EYA3: variants seen among roughly 807,000 people sequenced by gnomAD.
The protein encoded by EYA3 is EYA transcriptional coactivator and phosphatase 3.
A neutral mutation model predicts 80.0 loss-of-function variants in EYA3; 39 were observed. That is an observed-to-expected ratio of 0.49 (90% CI 0.38 to 0.64). EYA3 has a LOEUF of 0.64. EYA3 is among the 30% of genes least tolerant of loss of function. EYA3 has a pLI of 0.00. For missense variants in EYA3, 523 were observed against 676.1 expected (o/e 0.77, Z 2.51); for synonymous variants, 206 against 232.8 (o/e 0.88, Z 1.05).
chr1:28,084,668 G>C (rs1200947407), intron 1 of EYA3, among the ~76,000 whole-genome samples: 4 of 126,526 alleles, frequency 3.2e-5, no homozygotes. Context: ...GAGTGCAGTA[G>C]CACGATCTCA....
At chr1:28,078,472 G>A (rs1018970254) in intron 1 of EYA3, among the ~76,000 whole-genome samples, 5 of 152,118 alleles carry the variant, frequency 3.3e-5, no homozygotes, top group Non-Finnish European at 7.4e-5. Context: ...ACTATTAATA[G>A]CAAACATTTA....
intron 12 of EYA3, chr1:27,998,493 G>C (rs1214969475): frequency 5.7e-6 from 1 of 176,098 alleles, no homozygotes; most frequent in African/African-American, 2.4e-5. Context: ...ATGGAGTTTA[G>C]ACAAAAGTAC....
intron 16 of EYA3, among the ~76,000 whole-genome samples, chr1:27,983,377 C>G (rs1271238486): frequency 6.6e-6 from 1 of 152,196 alleles, no homozygotes; most frequent in Non-Finnish European, 1.5e-5. Flanking sequence ...TTCTCCAAAG[C>G]AGGTTATATC....
At chr1:27,990,048 C>T in intron 14 of EYA3, 1 of 203,944 alleles carries the variant, frequency 4.9e-6, no homozygotes, top group Non-Finnish European at 1.0e-5. Context: ...GTCAAAAGGG[C>T]AGGACCAACA....
chr1:28,073,127 A>ATATT (rs1553157671), intron 1 of EYA3, among the ~76,000 whole-genome samples: 158 of 15,002 alleles, frequency 0.011, 3 homozygotes, highest in Non-Finnish European at 0.015. Flanking sequence ...ATATATATAT[A>ATATT]TTTTTTTTTT....
chr1:28,059,715 A>G (rs1274173580), intron 1 of EYA3, among the ~76,000 whole-genome samples: 2 of 113,616 alleles, frequency 1.8e-5, no homozygotes, highest in African/African-American at 6.5e-5. Context: ...CATTTGTTGG[A>G]TTTTTTTTTT....
chr1:28,059,955 G>A (rs1644564572), intron 1 of EYA3, among the ~76,000 whole-genome samples: 1 of 152,108 alleles, frequency 6.6e-6, no homozygotes, highest in Admixed American at 6.6e-5. Flanking sequence ...CTGACGTCAG[G>A]TGATCTGCCT....
chr1:28,011,554 T>G (rs1325758583), intron 9 of EYA3, among the ~76,000 whole-genome samples: 2 of 152,198 alleles, frequency 1.3e-5, no homozygotes, highest in Non-Finnish European at 2.9e-5. Flanking sequence ...AATGTTTCCA[T>G]ACATTGCCAA....
intron 11 of EYA3, among the ~76,000 whole-genome samples, chr1:28,000,784 C>T (rs1442183717): frequency 3.3e-5 from 5 of 152,080 alleles, no homozygotes; most frequent in Non-Finnish European, 7.4e-5. Flanking sequence ...AAAATTTGGC[C>T]GGGTACAGTG....
chr1:28,059,324 T>A (rs1415407740), intron 1 of EYA3, among the ~76,000 whole-genome samples: 1 of 152,252 alleles, frequency 6.6e-6, no homozygotes, highest in Non-Finnish European at 1.5e-5. Flanking sequence ...AAGCACTTGA[T>A]GCTCAATGCT....
At chr1:28,041,828 GA>G (rs1018270556) in intron 4 of EYA3, among the ~76,000 whole-genome samples, 2 of 151,968 alleles carry the variant, frequency 1.3e-5, no homozygotes, top group African/African-American at 4.8e-5. Context: ...GTATTTGAAG[GA>G]AAAAAGGAAA....
rs1294097972 is a variant in EYA3, at chr1:28,009,142, T to C, written c.909+1805A>G. On this transcript the variant is annotated intron_variant, in intron 10 of 17. Transcript: ENST00000373871. The surrounding 1 kb of genome is among the most constrained non-coding windows in gnomAD (Gnocchi z 4.8). ...AGCATCCAGCAATTCCACTCCTACA[T>C]ATATACCAAAAAGAATTGATAAGAT... Among the ~76,000 whole-genome samples, 1 of 152,162 alleles carries C rather than the reference T, an allele frequency of 6.6e-6. No individual in the cohort carries two copies. Among genetic ancestry groups the C allele is most frequent in the East Asian group, 1.9e-4 (1 of 5,198 alleles).
chr1:28,078,949 G>A (rs1645322433), intron 1 of EYA3, among the ~76,000 whole-genome samples: 1 of 152,180 alleles, frequency 6.6e-6, no homozygotes, highest in Admixed American at 6.5e-5. Flanking sequence ...ATATTTAAAA[G>A]CTGACTGAGC....
Position 27,974,227 on chromosome 1 carries a change from T to G in EYA3, c.*239A>C. 9.7e-6 allele frequency: 3 copies of G among 309,938 alleles called. No homozygotes were observed. Among genetic ancestry groups the G allele is most frequent in the Non-Finnish European group, 6.2e-6 (1 of 162,396 alleles). 19.2% of individuals were successfully genotyped at this position (309,938 alleles called of 1,614,324 possible). A position where few individuals can be genotyped will look rare whatever the true frequency, so the allele number is the denominator to read the frequency against. ...CAAAAATTGCAGCTGTTGGTTCTGATTGTGTTCTCGCCAGCATTCCATGGA... is the reference window on the plus strand; with the variant it reads ...CAAAAATTGCAGCTGTTGGTTCTGAGTGTGTTCTCGCCAGCATTCCATGGA... On this transcript the variant is annotated 3_prime_UTR_variant, in exon 18 of 18. Coordinates refer to ENST00000373871, the MANE Select transcript of EYA3 (RefSeq NM_001990.4).
chr1:28,047,016 T>C (rs1644033031), intron 3 of EYA3, among the ~76,000 whole-genome samples: 1 of 151,864 alleles, frequency 6.6e-6, no homozygotes. Context: ...TGGATAATTG[T>C]TTTTGTGTTT....
chr1:27,993,063 C>CAA (rs374229824), intron 14 of EYA3, among the ~76,000 whole-genome samples: 3 of 143,022 alleles, frequency 2.1e-5, no homozygotes, highest in African/African-American at 7.7e-5. Context: ...ATAAACCAGC[C>CAA]AAAAAAAAAA....
At chr1:28,036,252 T>G (rs563522803) in intron 5 of EYA3, among the ~76,000 whole-genome samples, 2 of 152,320 alleles carry the variant, frequency 1.3e-5, no homozygotes, top group East Asian at 1.9e-4. Context: ...TACAAACATT[T>G]CTAGTGTGCT....
intron 4 of EYA3, among the ~76,000 whole-genome samples, chr1:28,040,914 C>T (rs1223627497): frequency 6.6e-6 from 1 of 152,008 alleles, no homozygotes; most frequent in Non-Finnish European, 1.5e-5. Context: ...TCTTTACTGA[C>T]AGGAAGGATA....
intron 2 of EYA3, among the ~76,000 whole-genome samples, chr1:28,056,426 C>T (rs72875050): frequency 1.3e-5 from 2 of 152,180 alleles, no homozygotes; most frequent in African/African-American, 4.8e-5. Flanking sequence ...TGGTACTTCC[C>T]CCGTGTGGCA....
Sources: gnomAD v4.1 joint callset for allele counts (sites outside exome capture counted in the v4.1 genomes callset) on GRCh38, gnomAD v4.1.1 for gene constraint, Gnocchi (gnomAD v3.1) non-coding constraint, MANE v1.5 for transcripts, NCBI Gene and HGNC (gene_info 2026-07-23, HGNC 2026-07-21) for gene names.